WDR7: variants seen among roughly 807,000 people sequenced by gnomAD.
WDR7 encodes the protein WD repeat-containing protein 7.
A neutral mutation model predicts 169.4 loss-of-function variants in WDR7; 46 were observed. That is an observed-to-expected ratio of 0.27 (90% CI 0.21 to 0.35). The LOEUF (loss-of-function observed/expected upper bound fraction) is 0.35. Ranked by LOEUF, WDR7 falls within the 10% of genes least tolerant of loss-of-function variation. The pLI, the probability that WDR7 is intolerant of heterozygous loss-of-function variation, is 1.00. For missense variants in WDR7, 1,534 were observed against 1,859.3 expected, an observed-to-expected ratio of 0.83 and a Z score of 3.22; for synonymous variants, 612 against 666.8, an observed-to-expected ratio of 0.92 and a Z score of 1.27.
intron 16 of WDR7, among the ~76,000 whole-genome samples, chr18:56,774,944 A>G (rs957118655): frequency 2.6e-5 from 4 of 152,104 alleles, no homozygotes; most frequent in African/African-American, 9.6e-5. Context: ...AAAATACAAT[A>G]TCGAGAATCT....
At chr18:56,963,524 T>G (rs1389086715) in intron 26 of WDR7, among the ~76,000 whole-genome samples, 2 of 152,136 alleles carry the variant, frequency 1.3e-5, no homozygotes, top group Admixed American at 6.6e-5. Flanking sequence ...GGTAAAAATT[T>G]CAGGGGTCAG....
intron 20 of WDR7, among the ~76,000 whole-genome samples, chr18:56,839,021 T>G (rs1009039542): frequency 6.6e-6 from 1 of 152,178 alleles, no homozygotes; most frequent in Admixed American, 6.5e-5. Flanking sequence ...AACCTTAACT[T>G]ATTCACCATT....
chr18:56,887,751 T>C (rs1198420624), intron 21 of WDR7, among the ~76,000 whole-genome samples: 1 of 152,170 alleles, frequency 6.6e-6, no homozygotes, highest in Admixed American at 6.5e-5. Context: ...CTTATTTGAA[T>C]TGGGATGTCT....
intron 21 of WDR7, among the ~76,000 whole-genome samples, chr18:56,891,179 T>C (rs551463338): frequency 6.6e-6 from 1 of 152,302 alleles, no homozygotes; most frequent in African/African-American, 2.4e-5. Flanking sequence ...CATTTTCAAA[T>C]GGAAGAGATA....
At chr18:56,792,566 A>G (rs535840623) in intron 19 of WDR7, among the ~76,000 whole-genome samples, 1 of 151,950 alleles carries the variant, frequency 6.6e-6, no homozygotes, top group African/African-American at 2.4e-5. Flanking sequence ...CAGAGTTCCA[A>G]TACGTAAAAC....
intron 21 of WDR7, among the ~76,000 whole-genome samples, chr18:56,901,993 T>C (rs554165209): frequency 6.6e-6 from 1 of 152,224 alleles, no homozygotes; most frequent in South Asian, 2.1e-4. Context: ...TCTTCAGACT[T>C]TTAAGTGCTA....
intron 20 of WDR7, among the ~76,000 whole-genome samples, chr18:56,842,024 A>C (rs2045494384): frequency 6.6e-6 from 1 of 152,200 alleles, no homozygotes; most frequent in Non-Finnish European, 1.5e-5. Flanking sequence ...GGAACATATC[A>C]TACTCAATGC....
chr18:56,665,237 G>A (rs1455871688), intron 1 of WDR7, among the ~76,000 whole-genome samples: 1 of 151,260 alleles, frequency 6.6e-6, no homozygotes, highest in Non-Finnish European at 1.5e-5. Context: ...AGGTTGCAAT[G>A]AGCCGAGATT....
rs1345382340 is a variant in WDR7 at position 56,879,987 on chromosome 18, T to C, written c.3348T>C (p.Ser1116=). ...CACAAATGAAAAAAATTTCTACATC[T>C]TACGAGGAAAGACGGAAGCAAGCTA... ...SVPQMKKIST[S]YEERRKQATA... is the part of the protein sequence containing the mutation. The change falls in exon 21 of 28, where the codon TCT becomes TCC. Residue 1116 remains serine, a synonymous_variant. Transcript: ENST00000254442. 1.2e-6 allele frequency: 2 copies of C among 1,614,044 alleles called. No individual in the cohort carries two copies. Among genetic ancestry groups the C allele is most frequent in the Admixed American group, 1.7e-5 (1 of 60,008 alleles).
At chr18:56,843,351 T>G (rs1390144488) in intron 20 of WDR7, among the ~76,000 whole-genome samples, 1 of 152,236 alleles carries the variant, frequency 6.6e-6, no homozygotes, top group Non-Finnish European at 1.5e-5. Context: ...TGAAACCTTA[T>G]ACCCATTGAA....
intron 21 of WDR7, among the ~76,000 whole-genome samples, chr18:56,922,440 C>T (rs2046740509): frequency 1.3e-5 from 2 of 151,994 alleles, no homozygotes; most frequent in Admixed American, 1.3e-4. Flanking sequence ...ATGTGTGTTA[C>T]CTTTTTTAAA....
rs957541908 is a variant in WDR7, at chr18:56,820,531, A to G, written c.3304+4387A>G. On this transcript the variant is annotated intron_variant, in intron 20 of 27. Coordinates refer to ENST00000254442, the MANE Select transcript of WDR7 (RefSeq NM_015285.3). ...TGATTACTCATTCAGGAGCAAATAT[A>G]TATCTTCCCATTACTCATTAATAGA... 5.3e-5 allele frequency among the ~76,000 whole-genome samples: 8 copies of G among 152,102 alleles called. No individual in the cohort carries two copies. The South Asian group carries it at 6.2e-4, about 12-fold the overall frequency.
intron 19 of WDR7, among the ~76,000 whole-genome samples, chr18:56,792,544 T>G (rs569219797): frequency 6.6e-6 from 1 of 152,122 alleles, no homozygotes; most frequent in South Asian, 2.1e-4. Flanking sequence ...AACTTACACA[T>G]GAAATCTTAA....
chr18:56,769,939 T>C (rs571107120), intron 16 of WDR7, among the ~76,000 whole-genome samples: 1 of 152,314 alleles, frequency 6.6e-6, no homozygotes, highest in South Asian at 2.1e-4. Flanking sequence ...TTTTAATTGG[T>C]GTACACCTTT....
chr18:57,009,275 A>G (rs1401678737), intron 26 of WDR7, among the ~76,000 whole-genome samples: 1 of 152,166 alleles, frequency 6.6e-6, no homozygotes, highest in African/African-American at 2.4e-5. Context: ...CAATTGTTTT[A>G]CTATTAAAAT....
intron 20 of WDR7, among the ~76,000 whole-genome samples, chr18:56,866,379 G>A (rs1009652898): frequency 6.6e-6 from 1 of 151,272 alleles, no homozygotes; most frequent in African/African-American, 2.4e-5. Flanking sequence ...GATTGTAGTA[G>A]GCATATAATT....
intron 20 of WDR7, among the ~76,000 whole-genome samples, chr18:56,819,260 T>C (rs531152314): frequency 6.6e-6 from 1 of 152,272 alleles, no homozygotes; most frequent in African/African-American, 2.4e-5. Context: ...ACTAATTAAA[T>C]TTATTTGAAG....
chr18:56,946,116 A>G (rs999836036), intron 25 of WDR7, among the ~76,000 whole-genome samples: 5 of 152,318 alleles, frequency 3.3e-5, no homozygotes, highest in African/African-American at 9.6e-5. Flanking sequence ...GCTAGTTTAG[A>G]ATACATGTGG....
chr18:56,926,828 G>A (rs1040661178), intron 22 of WDR7, among the ~76,000 whole-genome samples: 1 of 152,168 alleles, frequency 6.6e-6, no homozygotes, highest in Admixed American at 6.5e-5. Flanking sequence ...ATGGAAAATG[G>A]CCTGTTACAT....
Sources: gnomAD v4.1 joint callset for allele counts (sites outside exome capture counted in the v4.1 genomes callset) on GRCh38, gnomAD v4.1.1 for gene constraint, MANE v1.5 for transcripts, NCBI Gene and HGNC (gene_info 2026-07-23, HGNC 2026-07-21) for gene names.